Variants in HTT observed in about 807,000 individuals in gnomAD.
The protein encoded by HTT is huntington disease protein.
In HTT, 104 loss-of-function variants were observed where a neutral mutation model predicts 362.3. The observed-to-expected ratio is 0.29, with a 90% CI of 0.24 to 0.34. The LOEUF (loss-of-function observed/expected upper bound fraction) is 0.34, where lower values mean the gene tolerates loss of function less well. HTT is among the 10% of genes least tolerant of loss of function. HTT has a pLI of 1.00. For missense variants in HTT, 3,301 were observed against 3,928.6 expected (o/e 0.84, Z 4.27); for synonymous variants, 1,577 against 1,548.7 (o/e 1.02, Z -0.43).
intron 16 of HTT, 53 bp from the exon 17 acceptor site, chr4:3,132,509 T>G: frequency 6.0e-6 from 9 of 1,491,082 alleles, no homozygotes; most frequent in Non-Finnish European, 8.3e-6. Flanking sequence ...TGTTTCGAGT[T>G]AGAAAGTTGA....
chr4:3,200,835 G>A (rs560758011), intron 41 of HTT, among the ~76,000 whole-genome samples: 8 of 152,348 alleles, frequency 5.3e-5, no homozygotes, highest in African/African-American at 1.9e-4. Flanking sequence ...TCTTAGGCCT[G>A]TTACGATGAC....
intron 28 of HTT, 152 bp from the exon 29 acceptor site, chr4:3,160,130 C>G: frequency 1.8e-6 from 1 of 544,282 alleles, no homozygotes. Context: ...CCAGTGCTGA[C>G]AACAAACACG....
At chr4:3,195,593 A>G (rs1241367015) in intron 40 of HTT, among the ~76,000 whole-genome samples, 1 of 152,020 alleles carries the variant, frequency 6.6e-6, no homozygotes, top group Non-Finnish European at 1.5e-5. Flanking sequence ...TCCACCGAGA[A>G]GCATCTTCTC....
intron 60 of HTT, among the ~76,000 whole-genome samples, chr4:3,231,587 G>A (rs900940959): frequency 1.3e-4 from 20 of 152,146 alleles, no homozygotes; most frequent in African/African-American, 2.7e-4. Flanking sequence ...GAGCCCAAAC[G>A]CCAGTCATCT....
intron 29 of HTT, among the ~76,000 whole-genome samples, chr4:3,163,722 G>A (rs1717559072): frequency 1.3e-5 from 2 of 152,300 alleles, no homozygotes; most frequent in African/African-American, 4.8e-5. Flanking sequence ...GATGTTTATA[G>A]TATTCTCTGA....
intron 2 of HTT, among the ~76,000 whole-genome samples, chr4:3,089,043 C>T (rs754820520): frequency 2.6e-5 from 4 of 152,210 alleles, no homozygotes. Flanking sequence ...TCTCTGCTAC[C>T]TGTGTAAGCT....
intron 29 of HTT, among the ~76,000 whole-genome samples, chr4:3,164,156 T>G (rs1289792131): frequency 3.9e-5 from 6 of 152,224 alleles, no homozygotes; most frequent in African/African-American, 7.2e-5. Context: ...CAAGAAAATT[T>G]TTATTTCTGC....
chr4:3,209,847 C>T lies in HTT; in HGVS notation c.6312C>T (p.Val2104=). ...SPDKDWYVHL[V]KSQCWTRSDS... ...CCCAGGACTGGTACGTTCATCTTGTCAAATCCCAGTGTTGGACCAGGTCAG... is the reference window on the plus strand; with the variant it reads ...CCCAGGACTGGTACGTTCATCTTGTTAAATCCCAGTGTTGGACCAGGTCAG... Residue 2104 remains valine, a synonymous_variant, in exon 47 of 67, where the codon GTC becomes GTT. Transcript: ENST00000355072. 2 of 1,614,018 alleles carry T rather than the reference C, an allele frequency of 1.2e-6. No homozygotes were observed. The highest frequency in any genetic ancestry group is 1.7e-6 in the Non-Finnish European group (2 of 1,179,952).
At chr4:3,205,043 A>G (rs1719789251) in intron 42 of HTT, among the ~76,000 whole-genome samples, 2 of 152,178 alleles carry the variant, frequency 1.3e-5, no homozygotes, top group African/African-American at 4.8e-5. Context: ...GTCACATTTT[A>G]TGATGGATTC....
chr4:3,172,452 A>T (rs971337509), intron 30 of HTT, 55 bp downstream of exon 30: 7 of 1,098,748 alleles, frequency 6.4e-6, no homozygotes, highest in Non-Finnish European at 9.9e-6. Context: ...TGACAGCAAA[A>T]CGCTGCTACT....
Position 3,206,778 on chromosome 4 carries a change from TC to T in HTT, c.5899-28del, listed in dbSNP as rs1439682822. ...TAATTTCTGATTTGCAAAATAGTCA[TC>T]TTTTGTTCTTTTCCTTCTTGCTGTT... On this transcript the variant is annotated intron_variant, in intron 43 of 66. Coordinates refer to ENST00000355072, the MANE Select transcript of HTT (RefSeq NM_001388492.1). The surrounding 1 kb of genome is among the most constrained non-coding windows in gnomAD (Gnocchi z 4.6). 2 of 1,590,618 alleles carry T rather than the reference TC, an allele frequency of 1.3e-6. No homozygotes were observed. The highest frequency in any genetic ancestry group is 2.7e-5 in the African/African-American group (2 of 73,878).
chr4:3,182,320 G>A (rs1359415537), intron 36 of HTT, 34 bp from the exon 37 acceptor site: 1 of 1,408,334 alleles, frequency 7.1e-7, no homozygotes. Flanking sequence ...GCGTCTCTTG[G>A]CAGCAGACTT....
chr4:3,226,896 T>C (rs1720947327), intron 57 of HTT, among the ~76,000 whole-genome samples: 1 of 152,226 alleles, frequency 6.6e-6, no homozygotes, highest in Non-Finnish European at 1.5e-5. Flanking sequence ...TTTCTAGACA[T>C]AGTTGGAAAA....
chr4:3,094,621 CG>C, intron 2 of HTT, among the ~76,000 whole-genome samples: 1 of 138,318 alleles, frequency 7.2e-6, no homozygotes, highest in South Asian at 2.3e-4. Context: ...GCTGGCCGGG[CG>C]GGGGCTGCCC....
intron 17 of HTT, 39 bp from the exon 18 acceptor site, chr4:3,132,775 G>A (rs991113855): frequency 9.9e-6 from 16 of 1,612,798 alleles, no homozygotes; most frequent in African/African-American, 1.3e-5. Context: ...TAAGGTTTAA[G>A]TTTAGATGAT....
chr4:3,169,681 C>A (rs142730642), intron 29 of HTT, among the ~76,000 whole-genome samples: 1 of 152,140 alleles, frequency 6.6e-6, no homozygotes, highest in African/African-American at 2.4e-5. Context: ...TCAAGCAATT[C>A]TTCTGCCTCA....
At position 3,187,866 on chromosome 4, in the gene HTT, G is replaced by T. The variant is rs747079499; in HGVS notation, c.5205G>T (p.Leu1735Phe). 1.9e-6 allele frequency: 3 copies of T among 1,610,420 alleles called. No individual in the cohort carries two copies. The highest frequency in any genetic ancestry group is 2.2e-5 in the South Asian group (2 of 90,804). The change falls in exon 39 of 67, where the codon TTG (leucine) becomes TTT (phenylalanine). Residue 1735 changes from leucine (L) to phenylalanine (F), a missense_variant. By Grantham distance (22) the Leu-to-Phe change is conservative (BLOSUM62 0). This residue lies in a region of HTT where 2,316 missense variants were observed against 2,658.5 expected (regional missense o/e 0.87). Coordinates refer to ENST00000355072, the MANE Select transcript of HTT (RefSeq NM_001388492.1). The part of the protein sequence containing the change: ...EHSEGKQIKN[L>F]PEETFSRFLL... The stretch of plus-strand genomic sequence containing the variant: ...GTGAAGGGAAACAAATAAAGAATTT[G>T]CCAGAAGAAACATTTTCAAGGTATG...
Position 3,138,093 on chromosome 4 carries a change from C to CTTCT in HTT, c.2798+1770_2798+1771insTTTC, listed in dbSNP as rs1261735734. Among the ~76,000 whole-genome samples the CTTCT allele has an allele frequency of 9.2e-3, 1,377 of 148,964 alleles. 19 individuals are homozygous for CTTCT. Among genetic ancestry groups the CTTCT allele is most frequent in the African/African-American group, 0.032 (1,293 of 40,220 alleles). The stretch of plus-strand genomic sequence containing the variant: ...CCTTCCTTCCTTCCTTCCTTCCTTC[C>CTTCT]TTCCTTCTTTCCTTCCTCCCTTCCT... On this transcript the variant is annotated intron_variant, in intron 21 of 66. Coordinates refer to ENST00000355072, the MANE Select transcript of HTT (RefSeq NM_001388492.1).
chr4:3,238,532 A>G lies in HTT; in HGVS notation c.8977A>G (p.Ile2993Val). 4 of 1,613,446 alleles carry G rather than the reference A, an allele frequency of 2.5e-6. No homozygotes were observed. Among genetic ancestry groups the G allele is most frequent in the African/African-American group, 2.7e-5 (2 of 75,024 alleles). The change falls in exon 65 of 67, where the codon ATC becomes GTC. Residue 2993 changes from isoleucine to valine, a missense_variant. This residue lies in a region of HTT where 753 missense variants were observed against 1,021.3 expected (regional missense o/e 0.74). Transcript: ENST00000355072. Reference protein sequence around the residue: ...FLDDFFPPQDIMNKVIGEFLS... With the variant: ...FLDDFFPPQDVMNKVIGEFLS... ...AGACGACTTCTTCCCACCCCAGGACATCATGAACAAAGTCATCGGAGAGTT... is the reference window on the plus strand; with the variant it reads ...AGACGACTTCTTCCCACCCCAGGACGTCATGAACAAAGTCATCGGAGAGTT...
Sources: allele counts gnomAD v4.1 joint callset (sites outside exome capture counted in the v4.1 genomes callset), GRCh38; gene constraint gnomAD v4.1.1; regional missense constraint gnomAD v4.1.1; non-coding constraint Gnocchi (gnomAD v3.1); transcripts MANE v1.5; gene names NCBI Gene and HGNC (gene_info 2026-07-23, HGNC 2026-07-21).